Variants in SPTBN1 observed in about 807,000 individuals in gnomAD.
SPTBN1 encodes spectrin beta, non-erythrocytic 1.
Under a neutral mutation model 266.4 loss-of-function variants are expected in SPTBN1, and 32 were observed. That is an observed-to-expected ratio of 0.12 (90% CI 0.09 to 0.16). SPTBN1 has a LOEUF of 0.16. Ranked by LOEUF, SPTBN1 falls within the 10% of genes least tolerant of loss-of-function variation. SPTBN1 has a pLI of 1.00. For missense variants in SPTBN1, 2,296 were observed against 3,067.1 expected, an observed-to-expected ratio of 0.75 and a Z score of 5.94; for synonymous variants, 1,336 against 1,162.2, an observed-to-expected ratio of 1.15 and a Z score of -3.04.
At chr2:54,580,941 T>C (rs1674853171) in intron 2 of SPTBN1, among the ~76,000 whole-genome samples, 1 of 151,700 alleles carries the variant, frequency 6.6e-6, no homozygotes, top group Admixed American at 6.6e-5. Flanking sequence ...CTACTAAAAA[T>C]ACAAAAATTA....
intron 1 of SPTBN1, among the ~76,000 whole-genome samples, chr2:54,463,707 T>C (rs1356894461): frequency 6.6e-6 from 1 of 152,240 alleles, no homozygotes; most frequent in Admixed American, 6.5e-5. Flanking sequence ...TGACTTAATA[T>C]TATGCTTTCT....
At chr2:54,642,803 A>G (rs1029870721) in intron 18 of SPTBN1, among the ~76,000 whole-genome samples, 180 bp from the exon 19 acceptor site, 1 of 152,212 alleles carries the variant, frequency 6.6e-6, no homozygotes, top group African/African-American at 2.4e-5. Flanking sequence ...CTCAGGTACA[A>G]GCTCCATCTA....
rs182879117 is a variant in SPTBN1, at chr2:54,603,628, T to C, written c.300+4385T>C. Among the ~76,000 whole-genome samples, 27 of 152,258 alleles carry C rather than the reference T, an allele frequency of 1.8e-4. No homozygotes were observed. The East Asian group carries it at 4.1e-3, about 23-fold the overall frequency. On this transcript the variant is annotated intron_variant, in intron 3 of 35. Transcript: ENST00000356805. ...ACACAGTGTGGTATTCCCCGATTAATTGTAATTGGGCCAAAATAACTAATA... is the reference window on the plus strand; with the variant it reads ...ACACAGTGTGGTATTCCCCGATTAACTGTAATTGGGCCAAAATAACTAATA...
In SPTBN1 at chr2:54,650,040, A is replaced by T. The variant is rs781218132; in HGVS notation, c.5577+51A>T. ...GCTGGGGAGGCTTTTTCTCCATAGA[A>T]CATCTTTGGGCATCTGTAAGTATCT... is the stretch of plus-strand genomic sequence containing the variant. On this transcript the variant is annotated intron_variant, in intron 26 of 35. Transcript: ENST00000356805. The T allele has an allele frequency of 9.0e-6, 14 of 1,547,454 alleles. No homozygotes were observed. In the Admixed American group the frequency reaches 2.5e-4, roughly 27 times the overall value.
At chr2:54,491,092 A>C (rs993885534) in intron 1 of SPTBN1, among the ~76,000 whole-genome samples, 4 of 152,178 alleles carry the variant, frequency 2.6e-5, no homozygotes, top group African/African-American at 9.7e-5. Flanking sequence ...AGAGCAGGGA[A>C]ACCAGTCAGG....
Position 54,645,123 on chromosome 2 carries a change from C to A in SPTBN1, c.4270-106C>A. The A allele has an allele frequency of 8.6e-7, 1 of 1,160,156 alleles. No homozygotes were observed. Among genetic ancestry groups the A allele is most frequent in the Non-Finnish European group, 1.2e-6 (1 of 807,108 alleles). The allele number at this position is 1,160,156 out of a possible 1,614,324, so 71.9% of individuals were successfully genotyped here. ...CAAAATGTTTGAGTGGCTCCCATGG[C>A]TGGCTTTGCGGTGTGGCCAAGTCCC... is the stretch of plus-strand genomic sequence containing the variant. On this transcript the variant is annotated intron_variant, in intron 20 of 35. Coordinates refer to ENST00000356805, the MANE Select transcript of SPTBN1 (RefSeq NM_003128.3). This position sits in a 1 kb window ranked among gnomAD's most constrained non-coding sequence, Gnocchi z 4.3.
Position 54,668,542 on chromosome 2 carries a change from G to A in SPTBN1, c.7068G>A (p.Arg2356=), listed in dbSNP as rs994628514. The change falls in exon 36 of 36, where the codon CGG becomes CGA. Residue 2356 remains arginine (R), a synonymous_variant. Transcript: ENST00000356805. ...ACAAAGAGAAAGACAAAGAGAAGCG[G>A]TTCAGCCTTTTTGGCAAAAAGAAAT... ...EKDKEKDKEK[R]FSLFGKKK 103 of 1,613,904 alleles carry A rather than the reference G, an allele frequency of 6.4e-5. No individual in the cohort carries two copies. Among genetic ancestry groups the A allele is most frequent in the Non-Finnish European group, 8.1e-5 (96 of 1,179,966 alleles).
intron 1 of SPTBN1, among the ~76,000 whole-genome samples, chr2:54,475,133 G>A (rs1017144033): frequency 2.1e-4 from 32 of 152,228 alleles, no homozygotes; most frequent in Non-Finnish European, 5.9e-5. Context: ...TTGAGCCCGG[G>A]AGGCAGAGGT....
At chr2:54,573,928 C>CAG (rs10688458) in intron 2 of SPTBN1, among the ~76,000 whole-genome samples, 48,198 of 151,492 alleles carry the variant, frequency 0.32, 9,374 homozygotes, top group African/African-American at 0.56. Context: ...ACCTGCAAAA[C>CAG]AGAACACCAG....
At chr2:54,536,614 G>T (rs912378805) in intron 2 of SPTBN1, among the ~76,000 whole-genome samples, 1 of 152,218 alleles carries the variant, frequency 6.6e-6, no homozygotes, top group African/African-American at 2.4e-5. Flanking sequence ...TATGTCTAAT[G>T]ATTGACTTCT....
intron 2 of SPTBN1, among the ~76,000 whole-genome samples, chr2:54,539,524 A>G (rs1671811481): frequency 6.6e-6 from 1 of 152,048 alleles, no homozygotes; most frequent in Admixed American, 6.6e-5. Context: ...TTTGATGTGT[A>G]TCTTTTGAGA....
intron 26 of SPTBN1, chr2:54,652,779 C>G (rs1680382599): frequency 1.3e-5 from 2 of 152,202 alleles, no homozygotes; most frequent in Non-Finnish European, 2.9e-5. Flanking sequence ...TACAGTATCT[C>G]CATGAAGCAT....
At chr2:54,596,740 C>T (rs1676118470) in intron 2 of SPTBN1, among the ~76,000 whole-genome samples, 1 of 152,160 alleles carries the variant, frequency 6.6e-6, no homozygotes. Flanking sequence ...TTTCTAAGAA[C>T]CATGATAGCC....
chr2:54,571,582 C>T (rs1378834889), intron 2 of SPTBN1, among the ~76,000 whole-genome samples: 1 of 108,034 alleles, frequency 9.3e-6, no homozygotes, highest in Non-Finnish European at 2.0e-5. Flanking sequence ...CACATACACA[C>T]ACACACACAC....
chr2:54,478,998 A>C (rs1041178111), intron 1 of SPTBN1, among the ~76,000 whole-genome samples: 1 of 152,144 alleles, frequency 6.6e-6, no homozygotes, highest in Non-Finnish European at 1.5e-5. Flanking sequence ...CTGCATGTCC[A>C]CCTTTGTTTT....
intron 2 of SPTBN1, among the ~76,000 whole-genome samples, chr2:54,587,072 C>G (rs184412560): frequency 6.6e-6 from 1 of 152,284 alleles, no homozygotes; most frequent in Non-Finnish European, 1.5e-5. Flanking sequence ...CTCTGACTAG[C>G]TTACACGCCC....
At chr2:54,522,894 C>T (rs969104869) in intron 1 of SPTBN1, among the ~76,000 whole-genome samples, 1 of 151,914 alleles carries the variant, frequency 6.6e-6, no homozygotes, top group African/African-American at 2.4e-5. Context: ...CAGCAGGTGG[C>T]ACCAAATAGC....
In SPTBN1 at chr2:54,670,609, T is replaced by G. The variant is rs1042844776; in HGVS notation, c.*2040T>G. 1.8e-5 allele frequency: 7 copies of G among 398,456 alleles called. No homozygotes were observed. The highest frequency in any genetic ancestry group is 6.2e-5 in the African/African-American group (3 of 48,646). 24.7% of individuals were successfully genotyped at this position (398,456 alleles called of 1,614,324 possible). A position where few individuals can be genotyped will look rare whatever the true frequency, so the allele number is the denominator to read the frequency against. ...AATGTTTAGTTAAGGCAAAGTATCT[T>G]GGAAACAATTGTGATTAATTACAGT... On this transcript the variant is annotated 3_prime_UTR_variant, in exon 36 of 36. Transcript: ENST00000356805.
At chr2:54,552,560 G>A (rs1016373607) in intron 2 of SPTBN1, among the ~76,000 whole-genome samples, 21 of 61,948 alleles carry the variant, frequency 3.4e-4, no homozygotes, top group African/African-American at 1.6e-3. Flanking sequence ...AGATTCAAGC[G>A]ATTCTCCTGC....
Sources: gnomAD v4.1 joint callset for allele counts (sites outside exome capture counted in the v4.1 genomes callset) on GRCh38, gnomAD v4.1.1 for gene constraint, Gnocchi (gnomAD v3.1) non-coding constraint, MANE v1.5 for transcripts, NCBI Gene and HGNC (gene_info 2026-07-23, HGNC 2026-07-21) for gene names.